The following CTNND2 variants were observed in gnomAD, a reference collection of about 807,000 sequenced individuals.
The protein encoded by CTNND2 is catenin delta-2.
CTNND2 carries 22 observed loss-of-function variants against 144.4 expected under a neutral mutation model. The ratio of observed to expected loss-of-function variants is 0.15; its 90% CI spans 0.11 to 0.22. The LOEUF is 0.22. Among genes scored for constraint, CTNND2 ranks in the 10% least tolerant of loss-of-function variants. CTNND2 has a pLI of 1.00. For missense variants in CTNND2, 1,353 were observed against 1,618.8 expected, an observed-to-expected ratio of 0.84 and a Z score of 2.82; for synonymous variants, 751 against 695.6, an observed-to-expected ratio of 1.08 and a Z score of -1.25.
intron 2 of CTNND2, among the ~76,000 whole-genome samples, chr5:11,724,722 G>A (rs2126725806): frequency 6.6e-6 from 1 of 152,256 alleles, no homozygotes; most frequent in East Asian, 1.9e-4. Context: ...GGAATTGTTT[G>A]TGATTTCCTA....
At chr5:11,708,208 G>A (rs1355417129) in intron 2 of CTNND2, among the ~76,000 whole-genome samples, 1 of 151,476 alleles carries the variant, frequency 6.6e-6, no homozygotes, top group East Asian at 1.9e-4. Context: ...CACCACACCT[G>A]GCTATAAAGA....
chr5:11,793,870 C>G (rs1005118654), intron 1 of CTNND2, among the ~76,000 whole-genome samples: 1 of 152,252 alleles, frequency 6.6e-6, no homozygotes, highest in Non-Finnish European at 1.5e-5. Context: ...TCTTCTAACA[C>G]TGGGGTTATT....
chr5:11,427,004 G>A (rs981808413), intron 3 of CTNND2, among the ~76,000 whole-genome samples: 11 of 152,176 alleles, frequency 7.2e-5, no homozygotes, highest in African/African-American at 2.7e-4. Flanking sequence ...ATAGGGAAAT[G>A]CATGAGCTAT....
chr5:11,320,753 C>T (rs1157516161), intron 9 of CTNND2, among the ~76,000 whole-genome samples: 1 of 152,124 alleles, frequency 6.6e-6, no homozygotes, highest in African/African-American at 2.4e-5. Context: ...CAATCATCTC[C>T]CACCGGATCC....
rs956434608 is a variant in CTNND2 at position 11,652,717 on chromosome 5, A to G, written c.174+79419T>C. 4.6e-5 allele frequency among the ~76,000 whole-genome samples: 7 copies of G among 152,300 alleles called. No homozygotes were observed. The East Asian group carries it at 1.3e-3, about 29-fold the overall frequency. ...AATTAACATATCCATTACTTCATGT[A>G]TGAAGTTGTGTGTGTGATGGGAAGA... On this transcript the variant is annotated intron_variant, in intron 2 of 21. Coordinates refer to ENST00000304623, the MANE Select transcript of CTNND2 (RefSeq NM_001332.4).
Position 11,316,890 on chromosome 5 carries a change from T to C in CTNND2, c.1628+29482A>G, listed in dbSNP as rs192316488. ...CACATTTTCTTAATCCAGTCTATCG[T>C]TGTTGGACATTTGGGTTGGTTCCAA... On this transcript the variant is annotated intron_variant, in intron 9 of 21. Coordinates refer to ENST00000304623, the MANE Select transcript of CTNND2 (RefSeq NM_001332.4). 9.7e-3 allele frequency among the ~76,000 whole-genome samples: 1,477 copies of C among 152,214 alleles called. 23 individuals are homozygous for C. The highest frequency in any genetic ancestry group is 0.034 in the African/African-American group (1,423 of 41,520).
chr5:11,368,558 C>T (rs1390128175), intron 7 of CTNND2, among the ~76,000 whole-genome samples: 1 of 152,224 alleles, frequency 6.6e-6, no homozygotes, highest in Non-Finnish European at 1.5e-5. Context: ...TAATCCTTGG[C>T]TCTCATTTCC....
At chr5:11,584,992 G>C (rs1179778323) in intron 2 of CTNND2, among the ~76,000 whole-genome samples, 1 of 152,120 alleles carries the variant, frequency 6.6e-6, no homozygotes, top group East Asian at 1.9e-4. Context: ...ACATACTTTG[G>C]AGAAAATGCA....
Position 11,798,316 on chromosome 5 carries a change from T to C in CTNND2, c.38-66044A>G, listed in dbSNP as rs935638704. Among the ~76,000 whole-genome samples the C allele has an allele frequency of 2.0e-5, 3 of 152,238 alleles. No homozygotes were observed. In the East Asian group the frequency reaches 5.8e-4, roughly 29 times the overall value. On this transcript the variant is annotated intron_variant, in intron 1 of 21. Transcript: ENST00000304623. ...TCAAACCAAGATATCAATTTACTTC[T>C]TTAAATTTTAAATATTGTAAATGCT...
intron 3 of CTNND2, among the ~76,000 whole-genome samples, chr5:11,556,319 A>G (rs1223040979): frequency 6.6e-6 from 1 of 152,150 alleles, no homozygotes. Context: ...TGGCAAATTG[A>G]TTATTTATTT....
chr5:11,826,500 A>T (rs1793605590), intron 1 of CTNND2, among the ~76,000 whole-genome samples: 1 of 152,054 alleles, frequency 6.6e-6, no homozygotes, highest in South Asian at 2.1e-4. Flanking sequence ...TAAACCCAAA[A>T]TACAATAATC....
At chr5:11,047,150 T>A (rs1190343336) in intron 16 of CTNND2, among the ~76,000 whole-genome samples, 2 of 152,132 alleles carry the variant, frequency 1.3e-5, no homozygotes, top group African/African-American at 4.8e-5. Flanking sequence ...GAGAGATGAG[T>A]GTGCACACAG....
rs1381062317 is a variant in CTNND2 at position 11,903,929 on chromosome 5, T to G, written c.-76A>C. On this transcript the variant is annotated 5_prime_UTR_variant, in exon 1 of 22. Transcript: ENST00000304623. The surrounding 1 kb of genome is among the most constrained non-coding windows in gnomAD (Gnocchi z 5.4). ...GCCGCCCGGCTTCAGGGCAAGGTCC[T>G]GACCTTGCCCAACTGCAGCATCTTC... 8 of 1,335,994 alleles carry G rather than the reference T, an allele frequency of 6.0e-6. No homozygotes were observed. Among genetic ancestry groups the G allele is most frequent in the Non-Finnish European group, 7.7e-6 (8 of 1,043,228 alleles). 82.8% of individuals were successfully genotyped at this position (1,335,994 alleles called of 1,614,324 possible). A position where few individuals can be genotyped will look rare whatever the true frequency, so the allele number is the denominator to read the frequency against.
intron 1 of CTNND2, among the ~76,000 whole-genome samples, chr5:11,889,490 G>GCCAAAGGAACCT (rs1434555335): frequency 1.3e-5 from 2 of 152,136 alleles, no homozygotes; most frequent in African/African-American, 2.4e-5. Flanking sequence ...TACTCGTTAG[G>GCCAAAGGAACCT]CCAAAGGAAC....
intron 3 of CTNND2, among the ~76,000 whole-genome samples, chr5:11,470,469 T>C (rs1387638258): frequency 6.6e-6 from 1 of 151,986 alleles, no homozygotes; most frequent in African/African-American, 2.4e-5. Context: ...GTACAGAGAG[T>C]TTTGATTGTC....
At chr5:11,898,178 C>A (rs778864445) in intron 1 of CTNND2, among the ~76,000 whole-genome samples, 1 of 152,194 alleles carries the variant, frequency 6.6e-6, no homozygotes, top group Non-Finnish European at 1.5e-5. Flanking sequence ...AATTATTTAT[C>A]TTTTTCCCTT....
chr5:11,710,736 C>T (rs1359710649), intron 2 of CTNND2, among the ~76,000 whole-genome samples: 9 of 152,104 alleles, frequency 5.9e-5, no homozygotes, highest in Non-Finnish European at 1.2e-4. Context: ...CAGCCTGCTG[C>T]CTTCACAGCA....
chr5:11,252,316 T>G (rs1580714494), intron 9 of CTNND2, among the ~76,000 whole-genome samples: 1 of 152,126 alleles, frequency 6.6e-6, no homozygotes, highest in East Asian at 1.9e-4. Flanking sequence ...GTCAGGTCAG[T>G]GTAACAAGCA....
chr5:11,401,185 T>TA (rs1412305404), intron 5 of CTNND2, among the ~76,000 whole-genome samples: 3 of 152,200 alleles, frequency 2.0e-5, no homozygotes, highest in African/African-American at 7.2e-5. Flanking sequence ...GTCATATCAA[T>TA]ACAGACACTA....
Sources: gnomAD v4.1 joint callset for allele counts (sites outside exome capture counted in the v4.1 genomes callset) on GRCh38, gnomAD v4.1.1 for gene constraint, Gnocchi (gnomAD v3.1) non-coding constraint, MANE v1.5 for transcripts, NCBI Gene and HGNC (gene_info 2026-07-23, HGNC 2026-07-21) for gene names.